The following ZBTB8B variants were observed in gnomAD, a reference collection of about 807,000 sequenced individuals.
ZBTB8B encodes zinc finger and BTB domain-containing protein 8B.
ZBTB8B carries 17 observed loss-of-function variants against 30.3 expected under a neutral mutation model. That is an observed-to-expected ratio of 0.56 (90% CI 0.38 to 0.84). ZBTB8B has a LOEUF of 0.84. Ranked by LOEUF, ZBTB8B falls within the 40% of genes least tolerant of loss-of-function variation. The pLI is 0.00. For synonymous variants in ZBTB8B, 248 were observed against 255.6 expected, an observed-to-expected ratio of 0.97 and a Z score of 0.28; for missense variants, 515 against 644.9, an observed-to-expected ratio of 0.80 and a Z score of 2.18.
intron 2 of ZBTB8B, among the ~76,000 whole-genome samples, chr1:32,473,931 A>G (rs1570255499): frequency 6.6e-6 from 1 of 151,338 alleles, no homozygotes; most frequent in Non-Finnish European, 1.5e-5. Flanking sequence ...GCTCACTGCA[A>G]CCTCTGCCAC....
At chr1:32,482,427 CT>C (rs896940195) in intron 3 of ZBTB8B, among the ~76,000 whole-genome samples, 1 of 151,902 alleles carries the variant, frequency 6.6e-6, no homozygotes, top group African/African-American at 2.4e-5. Context: ...AATCCCAGCA[CT>C]TTGGGAGGCT....
intron 1 of ZBTB8B, among the ~76,000 whole-genome samples, chr1:32,468,326 A>G (rs1030625033): frequency 2.6e-5 from 4 of 152,098 alleles, no homozygotes; most frequent in Non-Finnish European, 4.4e-5. Context: ...CCTGCATCCC[A>G]CAGAGCAAAG....
rs941636003 is a variant in ZBTB8B at position 32,465,705 on chromosome 1, G to A, written c.-42+600G>A. Among the ~76,000 whole-genome samples, 1 of 152,222 alleles carries A rather than the reference G, an allele frequency of 6.6e-6. No individual in the cohort carries two copies. The highest frequency in any genetic ancestry group is 2.4e-5 in the African/African-American group (1 of 41,464). ...TCCCCAACCTGTCGCATCGTGTCCT[G>A]GAGGGTTTGAGGAGGCCGGTTAGCA... On this transcript the variant is annotated intron_variant, in intron 1 of 3. Coordinates refer to ENST00000609129, the MANE Select transcript of ZBTB8B (RefSeq NM_001145720.2). This position sits in a 1 kb window ranked among gnomAD's most constrained non-coding sequence, Gnocchi z 4.1.
rs994873263 is a variant in ZBTB8B at position 32,481,089 on chromosome 1, A to G, written c.1170+20A>G. On this transcript the variant is annotated intron_variant, in intron 3 of 3. Transcript: ENST00000609129. ...CTGAGTGTAAGTGTTCGAGCTGGCC[A>G]TGCCCTTGTGGCAAGAGCTATTCAT... The G allele has an allele frequency of 4.6e-6, 7 of 1,534,722 alleles. No individual in the cohort carries two copies. In the African/African-American group the frequency reaches 5.5e-5, roughly 12 times the overall value.
Position 32,484,500 on chromosome 1 carries a change from G to A in ZBTB8B, c.1171-601G>A, listed in dbSNP as rs1040788611. 2.6e-5 allele frequency among the ~76,000 whole-genome samples: 4 copies of A among 152,174 alleles called. No homozygotes were observed. Among genetic ancestry groups the A allele is most frequent in the African/African-American group, 9.7e-5 (4 of 41,442 alleles). On this transcript the variant is annotated intron_variant, in intron 3 of 3. Transcript: ENST00000609129. This position sits in a 1 kb window ranked among gnomAD's most constrained non-coding sequence, Gnocchi z 4.5. ...GGGCAGAAGGGAATGTCCCACATGT[G>A]TCCGGTGGCTCCGGGGTAGAAAGAA...
chr1:32,471,499 G>C lies in ZBTB8B; in HGVS notation c.875G>C (p.Ser292Thr), dbSNP rs1467470676. The C allele has an allele frequency of 6.4e-7, 1 of 1,551,722 alleles. No individual in the cohort carries two copies. Among genetic ancestry groups the C allele is most frequent in the Non-Finnish European group, 8.7e-7 (1 of 1,147,028 alleles). The change falls in exon 2 of 4, where the codon AGC (serine) becomes ACC (threonine). Residue 292 changes from serine (S) to threonine (T), a missense_variant. By Grantham distance (58) the Ser-to-Thr change is moderately conservative. Coordinates refer to ENST00000609129, the MANE Select transcript of ZBTB8B (RefSeq NM_001145720.2). ...EALLRNSAAP[S>T]KDDADHHFSR... ...CTCTTGCGCAACAGCGCTGCCCCGAGCAAGGATGATGCAGACCATCACTTT... is the reference window on the plus strand; with the variant it reads ...CTCTTGCGCAACAGCGCTGCCCCGACCAAGGATGATGCAGACCATCACTTT...
At chr1:32,477,402 CT>C (rs1643672475) in intron 2 of ZBTB8B, among the ~76,000 whole-genome samples, 2 of 152,326 alleles carry the variant, frequency 1.3e-5, no homozygotes. Flanking sequence ...ACAATCCATA[CT>C]TTTCTGATGG....
chr1:32,483,209 G>T (rs985592673), intron 3 of ZBTB8B, among the ~76,000 whole-genome samples: 1 of 136,246 alleles, frequency 7.3e-6, no homozygotes, highest in Non-Finnish European at 1.5e-5. Context: ...GGTCAGCCTG[G>T]CCAGTGTGGC....
intron 2 of ZBTB8B, among the ~76,000 whole-genome samples, chr1:32,473,274 C>T (rs894538169): frequency 2.0e-5 from 3 of 151,722 alleles, no homozygotes; most frequent in African/African-American, 4.8e-5. Context: ...CCACCACACT[C>T]CAGCCTGGGT....
At chr1:32,477,264 A>G (rs1216749019) in intron 2 of ZBTB8B, among the ~76,000 whole-genome samples, 1 of 152,196 alleles carries the variant, frequency 6.6e-6, no homozygotes, top group Admixed American at 6.5e-5. Flanking sequence ...ATATGTTTAC[A>G]TATCTTTCCT....
intron 1 of ZBTB8B, among the ~76,000 whole-genome samples, chr1:32,469,285 G>A (rs368800270): frequency 8.0e-5 from 10 of 125,472 alleles, no homozygotes; most frequent in Admixed American, 3.8e-4. Flanking sequence ...TCACTCTGTC[G>A]CCCAGGCTGG....
Position 32,485,231 on chromosome 1 carries a change from A to G in ZBTB8B, c.1301A>G (p.Asp434Gly). The G allele has an allele frequency of 6.4e-7, 1 of 1,552,022 alleles. No homozygotes were observed. Among genetic ancestry groups the G allele is most frequent in the Non-Finnish European group, 8.7e-7 (1 of 1,147,070 alleles). ...CTCVTDTPDD[D>G]DDLMPINLSL... Reference sequence around the variant, plus strand: ...TGCGTTACAGACACACCCGATGATGATGATGATTTGATGCCCATCAACCTT... The same window carrying G: ...TGCGTTACAGACACACCCGATGATGGTGATGATTTGATGCCCATCAACCTT... The change falls in exon 4 of 4, where the codon GAT becomes GGT. Residue 434 changes from aspartate to glycine, a missense_variant. Asp to Gly is a moderately conservative substitution (Grantham distance 94). This residue lies in a region of ZBTB8B where 429 missense variants were observed against 504.3 expected (regional missense o/e 0.85). Transcript: ENST00000609129.
At chr1:32,482,537 G>T (rs1463768471) in intron 3 of ZBTB8B, among the ~76,000 whole-genome samples, 1 of 151,652 alleles carries the variant, frequency 6.6e-6, no homozygotes, top group Non-Finnish European at 1.5e-5. Flanking sequence ...CAGCTGTGGT[G>T]GTGTGCATCT....
Position 32,465,076 on chromosome 1 carries a change from C to G in ZBTB8B, c.-71C>G, listed in dbSNP as rs890444896. 1.3e-5 allele frequency: 2 copies of G among 152,410 alleles called. No homozygotes were observed. Among genetic ancestry groups the G allele is most frequent in the African/African-American group, 4.8e-5 (2 of 41,584 alleles). 9.4% of individuals were successfully genotyped at this position (152,410 alleles called of 1,614,324 possible). On this transcript the variant is annotated 5_prime_UTR_variant, in exon 1 of 4. Transcript: ENST00000609129. This position sits in a 1 kb window ranked among gnomAD's most constrained non-coding sequence, Gnocchi z 4.1. ...GGGGGCGTGTCGGTGCGCGGTGCTC[C>G]GTGGCTGCGCTGCTGGAACCCGCTG...
intron 3 of ZBTB8B, among the ~76,000 whole-genome samples, chr1:32,483,242 TCCAAAAAAAAAA>T (rs1260115354): frequency 0.01 from 338 of 33,104 alleles, 3 homozygotes; most frequent in African/African-American, 0.038. Context: ...CTACTAAAAA[TCCAAAAAAAAAA>T]AAAAAAAAAA....
At chr1:32,479,447 C>T (rs184236881) in intron 2 of ZBTB8B, among the ~76,000 whole-genome samples, 71 of 152,130 alleles carry the variant, frequency 4.7e-4, no homozygotes, top group African/African-American at 1.3e-3. Context: ...CACTTGCACC[C>T]AGGAGGTGGA....
Position 32,470,813 on chromosome 1 carries a change from T to C in ZBTB8B, c.189T>C (p.His63=). The change falls in exon 2 of 4, where the codon CAT becomes CAC. Residue 63 remains histidine, a synonymous_variant. Coordinates refer to ENST00000609129, the MANE Select transcript of ZBTB8B (RefSeq NM_001145720.2). ...LIHYIQDSGR[H]STASLDIVTS... is the part of the protein sequence containing the mutation. ...ACTATATCCAGGACAGCGGGCGGCA[T>C]AGCACCGCCTCCTTGGACATTGTCA... The C allele has an allele frequency of 1.9e-6, 3 of 1,551,844 alleles. No homozygotes were observed. The highest frequency in any genetic ancestry group is 2.7e-5 in the African/African-American group (2 of 73,174).
Position 32,491,387 on chromosome 1 carries a change from A to C in ZBTB8B, c.*5969A>C, listed in dbSNP as rs923959974. The C allele has an allele frequency of 1.3e-5, 2 of 152,222 alleles. No homozygotes were observed. Among genetic ancestry groups the C allele is most frequent in the African/African-American group, 4.8e-5 (2 of 41,460 alleles). 9.4% of individuals were successfully genotyped at this position (152,222 alleles called of 1,614,324 possible). ...TACTGCAGTGCCCTCCAAGGGTCTTAGGCCCAACTGAAGGTTTAGAAACAT... is the reference window on the plus strand; with the variant it reads ...TACTGCAGTGCCCTCCAAGGGTCTTCGGCCCAACTGAAGGTTTAGAAACAT... On this transcript the variant is annotated 3_prime_UTR_variant, in exon 4 of 4. Transcript: ENST00000609129.
rs569180681 is a variant in ZBTB8B, at chr1:32,465,989, T to C, written c.-42+884T>C. On this transcript the variant is annotated intron_variant, in intron 1 of 3. Transcript: ENST00000609129. This position sits in a 1 kb window ranked among gnomAD's most constrained non-coding sequence, Gnocchi z 4.1. ...TTGAGCCCAGGAGTTCCAGGCTGCA[T>C]TGAGGTAGGATCGTGCACTCCAACC... Among the ~76,000 whole-genome samples the C allele has an allele frequency of 6.6e-6, 1 of 152,212 alleles. No individual in the cohort carries two copies. The highest frequency in any genetic ancestry group is 1.9e-4 in the East Asian group (1 of 5,178).
Sources: gnomAD v4.1 joint callset for allele counts (sites outside exome capture counted in the v4.1 genomes callset) on GRCh38, gnomAD v4.1.1 for gene constraint, gnomAD v4.1.1 regional missense constraint, Gnocchi (gnomAD v3.1) non-coding constraint, MANE v1.5 for transcripts, NCBI Gene and HGNC (gene_info 2026-07-23, HGNC 2026-07-21) for gene names.